TTC6: variants seen among roughly 807,000 people sequenced by gnomAD.
The protein encoded by TTC6 is tetratricopeptide repeat domain 6, also known as tetratricopeptide repeat protein 6.
TTC6 carries 172 observed loss-of-function variants against 210.4 expected under a neutral mutation model. That is an observed-to-expected ratio of 0.82 (90% CI 0.72 to 0.93). The LOEUF is 0.93. Among genes scored for constraint, TTC6 ranks in the 40% least tolerant of loss-of-function variants. The pLI, the probability that TTC6 is intolerant of heterozygous loss-of-function variation, is 0.00. For synonymous variants in TTC6, 804 were observed against 819.6 expected (o/e 0.98, Z 0.32); for missense variants, 2,414 against 2,318.1 (o/e 1.04, Z -0.85).
At chr14:37,795,522 A>G (rs911410920) in intron 18 of TTC6, among the ~76,000 whole-genome samples, 170 bp downstream of exon 20, 2 of 152,290 alleles carry the variant, frequency 1.3e-5, no homozygotes, top group Middle Eastern at 3.4e-3. Flanking sequence ...GAGATAGTTT[A>G]TTACATAAGA....
chr14:37,602,556 G>A (rs1386136225), intron 1 of TTC6, among the ~76,000 whole-genome samples: 1 of 152,150 alleles, frequency 6.6e-6, no homozygotes, highest in East Asian at 1.9e-4. Flanking sequence ...GAAGGCACAA[G>A]GCTGTGCGAT....
At chr14:37,644,368 C>T (rs897033094) in intron 1 of TTC6, among the ~76,000 whole-genome samples, 7 of 152,142 alleles carry the variant, frequency 4.6e-5, no homozygotes, top group Non-Finnish European at 1.0e-4. Flanking sequence ...CCAGGGCCAT[C>T]GTAAGGTCCA....
chr14:37,670,921 G>A (rs1008804247), intron 1 of TTC6, among the ~76,000 whole-genome samples: 7 of 152,184 alleles, frequency 4.6e-5, no homozygotes, highest in Non-Finnish European at 1.0e-4. Context: ...TTTAGGAAAT[G>A]CCATGAAATA....
intron 3 of TTC6, among the ~76,000 whole-genome samples, chr14:37,689,278 A>G (rs2095799287): frequency 6.6e-6 from 1 of 152,098 alleles, no homozygotes; most frequent in Admixed American, 6.6e-5. Flanking sequence ...AGGAGACAAA[A>G]GAAAAAAGAA....
intron 5 of TTC6, among the ~76,000 whole-genome samples, chr14:37,709,988 G>C (rs2095842127): frequency 6.6e-6 from 1 of 152,152 alleles, no homozygotes; most frequent in Admixed American, 6.6e-5. Context: ...AGTGGGTTGT[G>C]AAATCAGTTT....
intron 14 of TTC6, among the ~76,000 whole-genome samples, chr14:37,786,408 C>T (rs536767975): frequency 1.8e-4 from 27 of 152,340 alleles, no homozygotes; most frequent in African/African-American, 2.2e-4. Context: ...GCTCCGTGGG[C>T]GTGGGACCCT....
intron 1 of TTC6, among the ~76,000 whole-genome samples, chr14:37,656,981 G>A (rs987848989): frequency 6.6e-6 from 1 of 151,966 alleles, no homozygotes; most frequent in African/African-American, 2.4e-5. Context: ...AGGCCGAGGC[G>A]GGTGGATCAC....
intron 23 of TTC6, among the ~76,000 whole-genome samples, chr14:37,807,959 C>G (rs1380155871): frequency 1.3e-5 from 2 of 151,698 alleles, no homozygotes; most frequent in African/African-American, 4.8e-5. Flanking sequence ...TTTTAAATTA[C>G]TTTATTGTTG....
intron 1 of TTC6, among the ~76,000 whole-genome samples, chr14:37,670,714 G>C (rs1285103774): frequency 1.3e-5 from 2 of 151,722 alleles, no homozygotes; most frequent in Non-Finnish European, 2.9e-5. Flanking sequence ...AGAGTGATCT[G>C]CCTGCCTCAG....
intron 3 of TTC6, among the ~76,000 whole-genome samples, chr14:37,688,548 G>T (rs964280532): frequency 1.3e-5 from 2 of 152,128 alleles, no homozygotes; most frequent in African/African-American, 4.8e-5. Context: ...GGCCACAGGG[G>T]TGCTTGTGTC....
intron 7 of TTC6, among the ~76,000 whole-genome samples, chr14:37,734,659 T>C (rs371328302): frequency 2.6e-5 from 4 of 152,194 alleles, no homozygotes; most frequent in East Asian, 1.9e-4. Context: ...CCAGCTTTTA[T>C]TGCATGCATA....
At chr14:37,599,369 G>A (rs2095610855) in intron 1 of TTC6, among the ~76,000 whole-genome samples, 1 of 152,210 alleles carries the variant, frequency 6.6e-6, no homozygotes, top group African/African-American at 2.4e-5. Flanking sequence ...AGGCAGTTCT[G>A]TACAGAGTCC....
intron 21 of TTC6, among the ~76,000 whole-genome samples, chr14:37,805,659 A>G (rs1486027751): frequency 1.3e-5 from 2 of 152,036 alleles, no homozygotes; most frequent in African/African-American, 2.4e-5. Flanking sequence ...AAATGCGGGG[A>G]AAAATTTTAG....
At chr14:37,785,927 G>A (rs918582982) in intron 14 of TTC6, among the ~76,000 whole-genome samples, 2 of 152,188 alleles carry the variant, frequency 1.3e-5, no homozygotes, top group Non-Finnish European at 2.9e-5. Context: ...ACCAGTGGAG[G>A]CTGCAGAACC....
chr14:37,808,832 A>G, exon 24 of TTC6: 1 of 1,523,710 alleles, frequency 6.6e-7, no homozygotes. Context: ...CACCAAGATA[A>G]GGGAACTTCA....
At chr14:37,664,689 G>T (rs1251459960) in intron 1 of TTC6, among the ~76,000 whole-genome samples, 2 of 150,488 alleles carry the variant, frequency 1.3e-5, no homozygotes, top group Non-Finnish European at 3.0e-5. Context: ...CACAGCAAAA[G>T]AAACTATAAT....
At chr14:37,722,602 C>A (rs538408171) in intron 6 of TTC6, among the ~76,000 whole-genome samples, 1 of 152,266 alleles carries the variant, frequency 6.6e-6, no homozygotes, top group South Asian at 2.1e-4. Context: ...CTTGGCCTCC[C>A]AAAGTTCTGG....
chr14:37,727,291 A>ATTTTTTTTTTTTTTTTTTTTT (rs368293440), intron 7 of TTC6, among the ~76,000 whole-genome samples: 1 of 92,242 alleles, frequency 1.1e-5, no homozygotes, highest in Non-Finnish European at 2.2e-5. Flanking sequence ...TATTTTTCTA[A>ATTTTTTTTTTTTTTTTTTTTT]TTTTTTTTTT....
At chr14:37,730,577 T>C (rs2095883360) in intron 7 of TTC6, among the ~76,000 whole-genome samples, 1 of 152,234 alleles carries the variant, frequency 6.6e-6, no homozygotes, top group Non-Finnish European at 1.5e-5. Flanking sequence ...ATTTCTTCTG[T>C]CTTACATCAT....
Sources: allele counts gnomAD v4.1 joint callset (sites outside exome capture counted in the v4.1 genomes callset), GRCh38; gene constraint gnomAD v4.1.1; transcripts MANE v1.5; gene names NCBI Gene and HGNC (gene_info 2026-07-23, HGNC 2026-07-21).